CTNNA2: variants seen among roughly 807,000 people sequenced by gnomAD.
The protein encoded by CTNNA2 is catenin alpha-2.
Under a neutral mutation model 101.0 loss-of-function variants are expected in CTNNA2, and 42 were observed. The observed-to-expected ratio is 0.42, with a 90% CI of 0.32 to 0.54. The LOEUF (loss-of-function observed/expected upper bound fraction) is 0.54. CTNNA2 is among the 20% of genes least tolerant of loss of function. CTNNA2 has a pLI of 0.14. For synonymous variants in CTNNA2, 450 were observed against 456.4 expected, an observed-to-expected ratio of 0.99 and a Z score of 0.18; for missense variants, 871 against 1,223.1, an observed-to-expected ratio of 0.71 and a Z score of 4.29.
At chr2:79,522,681 C>T (rs1221866698) in intron 1 of CTNNA2, among the ~76,000 whole-genome samples, 2 of 152,110 alleles carry the variant, frequency 1.3e-5, no homozygotes, top group Non-Finnish European at 2.9e-5. Flanking sequence ...TCAATGAGCA[C>T]AGCAGTGGGA....
chr2:80,067,093 A>T (rs1297790165), intron 7 of CTNNA2, among the ~76,000 whole-genome samples: 1 of 152,150 alleles, frequency 6.6e-6, no homozygotes, highest in African/African-American at 2.4e-5. Flanking sequence ...GGCAGTGGGG[A>T]TTGGGAAAGT....
chr2:79,398,847 GT>G (rs1191954926), intron 4 of CTNNA2, among the ~76,000 whole-genome samples: 2 of 53,916 alleles, frequency 3.7e-5, no homozygotes, highest in Non-Finnish European at 6.6e-5. Context: ...GAAGTGTTTA[GT>G]TAAAAAAAAA....
At chr2:79,740,940 A>AT (rs1204941555) in intron 2 of CTNNA2, among the ~76,000 whole-genome samples, 1 of 152,168 alleles carries the variant, frequency 6.6e-6, no homozygotes, top group Non-Finnish European at 1.5e-5. Context: ...TTAGGTGTAA[A>AT]TATAGGCATA....
intron 7 of CTNNA2, among the ~76,000 whole-genome samples, chr2:79,918,763 G>A (rs1686439757): frequency 6.6e-6 from 1 of 152,070 alleles, no homozygotes; most frequent in South Asian, 2.1e-4. Flanking sequence ...TAAACCTGGG[G>A]CTCAAAAAAT....
At chr2:80,532,339 C>T (rs1337591798) in intron 9 of CTNNA2, among the ~76,000 whole-genome samples, 1 of 152,184 alleles carries the variant, frequency 6.6e-6, no homozygotes, top group Non-Finnish European at 1.5e-5. Flanking sequence ...CTTGCACCCT[C>T]TAGCTCCATC....
At chr2:79,385,439 C>T (rs989767912) in intron 4 of CTNNA2, among the ~76,000 whole-genome samples, 45 of 152,052 alleles carry the variant, frequency 3.0e-4, no homozygotes, top group African/African-American at 9.2e-4. Context: ...ATATTTAATT[C>T]ACTGCATGTA....
intron 6 of CTNNA2, among the ~76,000 whole-genome samples, chr2:79,905,919 G>T (rs1020782124): frequency 6.6e-6 from 1 of 152,022 alleles, no homozygotes; most frequent in Non-Finnish European, 1.5e-5. Flanking sequence ...ATTTCCAGGG[G>T]TTGGTTTTTT....
At chr2:80,295,103 A>G (rs376502919) in intron 7 of CTNNA2, among the ~76,000 whole-genome samples, 4 of 148,600 alleles carry the variant, frequency 2.7e-5, no homozygotes, top group East Asian at 2.0e-4. Context: ...TTTCTTCTCA[A>G]TCTCTCTTTC....
At chr2:80,503,539 T>A (rs974777219) in intron 9 of CTNNA2, among the ~76,000 whole-genome samples, 1 of 152,224 alleles carries the variant, frequency 6.6e-6, no homozygotes, top group Non-Finnish European at 1.5e-5. Context: ...ACCCCTTTCT[T>A]CTTTTTGCAG....
chr2:79,957,784 G>A (rs1689342755), intron 7 of CTNNA2, among the ~76,000 whole-genome samples: 1 of 152,126 alleles, frequency 6.6e-6, no homozygotes, highest in Non-Finnish European at 1.5e-5. Flanking sequence ...CTATATGAAG[G>A]CTTTTTAAGA....
At chr2:79,816,058 C>T (rs750861049) in intron 3 of CTNNA2, among the ~76,000 whole-genome samples, 5 of 151,722 alleles carry the variant, frequency 3.3e-5, no homozygotes, top group East Asian at 1.9e-4. Context: ...TCTGCTTGGT[C>T]GCTGTTGGTG....
chr2:80,456,497 G>A (rs1170954810), intron 9 of CTNNA2, among the ~76,000 whole-genome samples: 4 of 152,174 alleles, frequency 2.6e-5, no homozygotes, highest in Non-Finnish European at 4.4e-5. Context: ...AGGCCACTTT[G>A]CATGACATTC....
At chr2:79,606,161 AGATT>A (rs1677875348) in intron 1 of CTNNA2, among the ~76,000 whole-genome samples, 1 of 152,224 alleles carries the variant, frequency 6.6e-6, no homozygotes, top group African/African-American at 2.4e-5. Context: ...AAATGACATT[AGATT>A]GAAATATGCA....
intron 1 of CTNNA2, among the ~76,000 whole-genome samples, chr2:79,629,332 A>G (rs140017295): frequency 6.6e-6 from 1 of 152,244 alleles, no homozygotes; most frequent in Non-Finnish European, 1.5e-5. Flanking sequence ...AATAAAGAGT[A>G]TCTGTTTCCC....
intron 1 of CTNNA2, among the ~76,000 whole-genome samples, chr2:79,629,615 GAT>G (rs1358180168): frequency 1.3e-5 from 2 of 152,088 alleles, no homozygotes; most frequent in Non-Finnish European, 2.9e-5. Context: ...CAGACACAAG[GAT>G]GCTGAGATCA....
intron 7 of CTNNA2, among the ~76,000 whole-genome samples, chr2:80,312,455 G>A (rs1363353484): frequency 6.6e-6 from 1 of 152,250 alleles, no homozygotes; most frequent in African/African-American, 2.4e-5. Context: ...CAGGTGACCA[G>A]AATGAGTCAG....
At chr2:80,504,135 C>G (rs1261636111) in intron 9 of CTNNA2, among the ~76,000 whole-genome samples, 3 of 152,102 alleles carry the variant, frequency 2.0e-5, no homozygotes, top group Admixed American at 6.6e-5. Flanking sequence ...AGGTGTTAGC[C>G]AGTTTTTATT....
chr2:80,138,186 C>A (rs1329324461), intron 7 of CTNNA2, among the ~76,000 whole-genome samples: 1 of 152,084 alleles, frequency 6.6e-6, no homozygotes, highest in Non-Finnish European at 1.5e-5. Flanking sequence ...ACAGAGTGGT[C>A]TTAGAAAAAC....
chr2:79,565,184 A>G (rs542848580), intron 1 of CTNNA2, among the ~76,000 whole-genome samples: 2 of 152,114 alleles, frequency 1.3e-5, no homozygotes, highest in African/African-American at 4.8e-5. Context: ...TTGTCACACG[A>G]TCATGAAATA....
Sources: gnomAD v4.1 joint callset for allele counts (sites outside exome capture counted in the v4.1 genomes callset) on GRCh38, gnomAD v4.1.1 for gene constraint, MANE v1.5 for transcripts, NCBI Gene and HGNC (gene_info 2026-07-23, HGNC 2026-07-21) for gene names.